The following CIMIP2A variants were observed in gnomAD, a reference collection of about 807,000 sequenced individuals.
CIMIP2A encodes family with sequence similarity 166 member A.
chr9:137,246,095 G>A, the CIMIP2A span, among the ~76,000 whole-genome samples: 124 of 152,346 alleles, frequency 8.1e-4, no homozygotes, highest in African/African-American at 2.9e-3. Flanking sequence ...CACCACAGCA[G>A]ATGGCCGCCT....
chr9:137,251,630 G>A, the CIMIP2A span: 41 of 1,375,212 alleles, frequency 3.0e-5, no homozygotes, highest in Admixed American at 6.8e-4. Context: ...TGTGGGGCAC[G>A]TGGCTGGGAG....
the CIMIP2A span, chr9:137,244,544 G>A: frequency 6.5e-7 from 1 of 1,548,072 alleles, no homozygotes; most frequent in Non-Finnish European, 8.8e-7. Flanking sequence ...AGGCTTCTCA[G>A]GGAACCTGGC....
the CIMIP2A span, chr9:137,244,036 C>T: frequency 1.7e-4 from 175 of 1,012,044 alleles, no homozygotes; most frequent in South Asian, 1.1e-3. Context: ...GCAGACAATC[C>T]TACCCCAACC....
At chr9:137,245,908 G>T in the CIMIP2A span, 2 of 1,378,004 alleles carry the variant, frequency 1.5e-6, no homozygotes, top group South Asian at 1.7e-5. Flanking sequence ...CCCAGCACTG[G>T]GCAGGGCCCC....
At chr9:137,245,131 G>A in the CIMIP2A span, 3 of 1,597,874 alleles carry the variant, frequency 1.9e-6, no homozygotes, top group Non-Finnish European at 2.6e-6. Context: ...TGGTCCAGCT[G>A]CGGCAGCCGC....
the CIMIP2A span, chr9:137,253,229 C>G: frequency 6.1e-4 from 986 of 1,608,226 alleles, 3 homozygotes; most frequent in South Asian, 7.8e-3. Context: ...GACACAGGCC[C>G]CTTCTGCACG....
At chr9:137,244,479 G>C in the CIMIP2A span, 10 of 1,496,128 alleles carry the variant, frequency 6.7e-6, no homozygotes, top group South Asian at 1.3e-5. Flanking sequence ...TCAGGAGAGA[G>C]GGGTTGGGGC....
chr9:137,245,382 G>A, the CIMIP2A span: 1 of 1,613,226 alleles, frequency 6.2e-7, no homozygotes, highest in Non-Finnish European at 8.5e-7. Flanking sequence ...GGTGTCCCAA[G>A]TCTCTGGAGT....
the CIMIP2A span, chr9:137,251,588 G>A: frequency 9.1e-7 from 1 of 1,093,628 alleles, no homozygotes; most frequent in Non-Finnish European, 1.3e-6. Context: ...GCTGGGAGCG[G>A]CCAGGGGCTG....
the CIMIP2A span, chr9:137,245,884 G>C: frequency 2.0e-6 from 3 of 1,470,688 alleles, no homozygotes; most frequent in Middle Eastern, 2.4e-4. Context: ...GGCAGGGCAG[G>C]TCTCAAGGGC....
chr9:137,247,342 G>A, the CIMIP2A span, among the ~76,000 whole-genome samples: 68,503 of 152,166 alleles, frequency 0.45, 16,035 homozygotes, highest in Middle Eastern at 0.54. Flanking sequence ...AGTGGGCGTC[G>A]GGCACTTACT....
At chr9:137,252,762 C>T in the CIMIP2A span, 2 of 1,561,164 alleles carry the variant, frequency 1.3e-6, no homozygotes, top group East Asian at 2.4e-5. Flanking sequence ...GAAGGCCACA[C>T]CCACCTAGGG....
chr9:137,252,107 C>G, the CIMIP2A span: 1 of 1,612,100 alleles, frequency 6.2e-7, no homozygotes, highest in Non-Finnish European at 8.5e-7. Context: ...ACCCCCACTA[C>G]AGCATCGGCT....
chr9:137,246,122 TC>T, the CIMIP2A span, among the ~76,000 whole-genome samples: 9 of 152,158 alleles, frequency 5.9e-5, no homozygotes, highest in African/African-American at 2.2e-4. Context: ...TACCAGCCCC[TC>T]CAACCCTCTC....
chr9:137,245,098 C>T, the CIMIP2A span: 3 of 1,609,712 alleles, frequency 1.9e-6, no homozygotes, highest in African/African-American at 1.3e-5. Context: ...CCTGAGATGG[C>T]CTTGCGTTGG....
chr9:137,244,952 G>A, the CIMIP2A span: 33 of 1,602,738 alleles, frequency 2.1e-5, no homozygotes, highest in East Asian at 8.9e-5. Context: ...GGAGGCAGAG[G>A]AGGTCCCCCC....
At chr9:137,244,271 G>C in the CIMIP2A span, 6 of 1,613,772 alleles carry the variant, frequency 3.7e-6, no homozygotes, top group Non-Finnish European at 2.5e-6. Context: ...GGTCACAGTG[G>C]GGGTTTCTAA....
the CIMIP2A span, chr9:137,253,082 C>A: frequency 3.2e-6 from 5 of 1,543,016 alleles, no homozygotes; most frequent in African/African-American, 6.8e-5. Context: ...GGGCTGCTAC[C>A]TGGGTGGGGC....
At chr9:137,253,281 G>C in the CIMIP2A span, 3 of 1,585,876 alleles carry the variant, frequency 1.9e-6, no homozygotes, top group Non-Finnish European at 2.6e-6. Flanking sequence ...CCCGGCCACC[G>C]AGTGGAACCA....
Sources: allele counts gnomAD v4.1 joint callset (sites outside exome capture counted in the v4.1 genomes callset), GRCh38; gene constraint gnomAD v4.1.1; transcripts MANE v1.5; gene names NCBI Gene and HGNC (gene_info 2026-07-23, HGNC 2026-07-21).